Variants in CNTLN observed in about 807,000 individuals in gnomAD.
CNTLN encodes centlein.
CNTLN carries 212 observed loss-of-function variants against 180.0 expected under a neutral mutation model. The ratio of observed to expected loss-of-function variants is 1.18; its 90% CI spans 1.05 to 1.32. The LOEUF (loss-of-function observed/expected upper bound fraction) is 1.32, where lower values mean the gene tolerates loss of function less well. Ranked by LOEUF, CNTLN falls within the 40% of genes most tolerant of loss-of-function variation. The pLI is 0.00. For missense variants in CNTLN, 2,095 were observed against 1,610.9 expected (o/e 1.30, Z -5.14); for synonymous variants, 722 against 563.1 (o/e 1.28, Z -3.99).
At chr9:17,362,035 T>G (rs906778614) in intron 12 of CNTLN, among the ~76,000 whole-genome samples, 1 of 152,232 alleles carries the variant, frequency 6.6e-6, no homozygotes, top group African/African-American at 2.4e-5. Flanking sequence ...TTGTTGGTGC[T>G]TAGTTTGACT....
At position 17,299,172 on chromosome 9, in the gene CNTLN, G is replaced by A. The variant is rs1292383819; in HGVS notation, c.1146+820G>A. 7.0e-5 allele frequency: 12 copies of A among 172,004 alleles called. No homozygotes were observed. In the Admixed American group the frequency reaches 8.2e-4, roughly 12 times the overall value. The allele number at this position is 172,004 out of a possible 1,614,324, so 10.7% of individuals were successfully genotyped here. On this transcript the variant is annotated intron_variant, in intron 7 of 25. Coordinates refer to ENST00000380647, the MANE Select transcript of CNTLN (RefSeq NM_017738.4). ...GCAGGAGAATCACTTGAACCTGGGA[G>A]GCGGAGGTCGCAGTGAGCCAAGATC...
At chr9:17,385,522 AG>A (rs1361127049) in intron 13 of CNTLN, among the ~76,000 whole-genome samples, 21 of 152,178 alleles carry the variant, frequency 1.4e-4, no homozygotes, top group African/African-American at 4.8e-4. Flanking sequence ...TAATAACAAA[AG>A]ATGGTCCTAT....
chr9:17,294,771 GGGGGAGTGA>G (rs1817692427), intron 6 of CNTLN, among the ~76,000 whole-genome samples: 1 of 58,654 alleles, frequency 1.7e-5, no homozygotes, highest in Non-Finnish European at 3.5e-5. Flanking sequence ...GCCCACCGCG[GGGGGAGTGA>G]GGGGAGGGAG....
chr9:17,506,687 T>C (rs1434842005), downstream of CNTLN, among the ~76,000 whole-genome samples: 1 of 151,826 alleles, frequency 6.6e-6, no homozygotes, highest in Non-Finnish European at 1.5e-5. Flanking sequence ...AATAAATTTG[T>C]AGCCACAACA....
the CNTLN span, among the ~76,000 whole-genome samples, chr9:17,513,734 A>G: frequency 6.6e-6 from 1 of 152,052 alleles, no homozygotes; most frequent in African/African-American, 2.4e-5. Flanking sequence ...AATAAATAAA[A>G]TCAAACCTAA....
chr9:17,330,153 G>T (rs1363925180), intron 8 of CNTLN, among the ~76,000 whole-genome samples: 1 of 151,998 alleles, frequency 6.6e-6, no homozygotes, highest in Non-Finnish European at 1.5e-5. Context: ...AAAATTGTCA[G>T]GGTTCTTTGA....
At chr9:17,248,657 A>G (rs1383449506) in intron 5 of CNTLN, among the ~76,000 whole-genome samples, 1 of 145,752 alleles carries the variant, frequency 6.9e-6, no homozygotes, top group Non-Finnish European at 1.5e-5. Context: ...AAGGACAAAA[A>G]TGCTGTTTTA....
At chr9:17,381,087 G>A (rs1265169688) in intron 13 of CNTLN, among the ~76,000 whole-genome samples, 1 of 152,188 alleles carries the variant, frequency 6.6e-6, no homozygotes, top group Non-Finnish European at 1.5e-5. Flanking sequence ...GAGGATTGGG[G>A]TAGTATTTTT....
intron 6 of CNTLN, among the ~76,000 whole-genome samples, chr9:17,293,206 A>G (rs75947459): frequency 3.9e-5 from 6 of 152,232 alleles, no homozygotes; most frequent in Non-Finnish European, 7.3e-5. Flanking sequence ...ATGCTCCTGT[A>G]TAAGTTATCT....
chr9:17,458,548 T>C (rs1442733265), intron 19 of CNTLN, among the ~76,000 whole-genome samples: 1 of 151,948 alleles, frequency 6.6e-6, no homozygotes, highest in Non-Finnish European at 1.5e-5. Context: ...AGGAGGGTAT[T>C]GGAATACTAT....
intron 5 of CNTLN, among the ~76,000 whole-genome samples, chr9:17,240,273 C>T (rs10962928): frequency 6.6e-6 from 1 of 151,868 alleles, no homozygotes; most frequent in Non-Finnish European, 1.5e-5. Flanking sequence ...ATAATGTATA[C>T]ATACACAATT....
At chr9:17,300,219 A>G (rs1818251242) in intron 7 of CNTLN, 1 of 152,094 alleles carries the variant, frequency 6.6e-6, no homozygotes, top group South Asian at 2.1e-4. Flanking sequence ...TGCTCCAATG[A>G]GCATTTCCTT....
intron 23 of CNTLN, among the ~76,000 whole-genome samples, chr9:17,475,109 GTC>G (rs1832260005): frequency 6.6e-6 from 1 of 151,658 alleles, no homozygotes; most frequent in Non-Finnish European, 1.5e-5. Flanking sequence ...CTCTCTCAAG[GTC>G]TTTGTCCTCC....
At chr9:17,468,338 A>G (rs971486579) in intron 23 of CNTLN, among the ~76,000 whole-genome samples, 1 of 151,596 alleles carries the variant, frequency 6.6e-6, no homozygotes, top group Non-Finnish European at 1.5e-5. Flanking sequence ...AAACCCCTGC[A>G]ACACAAAATT....
intron 23 of CNTLN, among the ~76,000 whole-genome samples, chr9:17,480,242 C>T (rs1053091831): frequency 6.6e-6 from 1 of 151,978 alleles, no homozygotes; most frequent in African/African-American, 2.4e-5. Flanking sequence ...CATTACAAGT[C>T]ATGCTCTTCC....
intron 2 of CNTLN, among the ~76,000 whole-genome samples, chr9:17,180,526 A>G (rs144512635): frequency 0.019 from 2,811 of 151,808 alleles, 54 homozygotes; most frequent in African/African-American, 0.048. Context: ...TTAGAACCAC[A>G]TAAGATATTA....
intron 2 of CNTLN, among the ~76,000 whole-genome samples, chr9:17,149,500 T>TTTTC (rs1818696379): frequency 2.7e-4 from 40 of 149,596 alleles, no homozygotes; most frequent in African/African-American, 7.7e-4. Flanking sequence ...ACTTTTTTTA[T>TTTTC]TTTCTTTCTT....
intron 23 of CNTLN, among the ~76,000 whole-genome samples, chr9:17,483,346 C>G (rs960908510): frequency 5.3e-5 from 8 of 151,930 alleles, no homozygotes; most frequent in Non-Finnish European, 8.8e-5. Context: ...TTTATACATT[C>G]TTTGTGGAGA....
At chr9:17,372,355 AT>A (rs1188408663) in intron 13 of CNTLN, among the ~76,000 whole-genome samples, 1 of 152,184 alleles carries the variant, frequency 6.6e-6, no homozygotes, top group Non-Finnish European at 1.5e-5. Context: ...CTATATGCCA[AT>A]AAATTGGAAA....
Sources: gnomAD v4.1 joint callset for allele counts (sites outside exome capture counted in the v4.1 genomes callset) on GRCh38, gnomAD v4.1.1 for gene constraint, MANE v1.5 for transcripts, NCBI Gene and HGNC (gene_info 2026-07-23, HGNC 2026-07-21) for gene names.